PRKD1: variants seen among roughly 807,000 people sequenced by gnomAD.
PRKD1 encodes serine/threonine-protein kinase D1.
In PRKD1, 63 loss-of-function variants were observed where a neutral mutation model predicts 95.9. The ratio of observed to expected loss-of-function variants is 0.66; its 90% CI spans 0.54 to 0.81. The LOEUF is 0.81. Ranked by LOEUF, PRKD1 falls within the 30% of genes least tolerant of loss-of-function variation. The probability of loss-of-function intolerance (pLI) is 0.00; values close to 1 mark genes in which losing one functional copy is unlikely to be tolerated. For synonymous variants in PRKD1, 425 were observed against 423.1 expected, an observed-to-expected ratio of 1.00 and a Z score of -0.05; for missense variants, 1,048 against 1,165.3, an observed-to-expected ratio of 0.90 and a Z score of 1.47.
At chr14:29,754,609 T>A (rs1050269851) in intron 1 of PRKD1, among the ~76,000 whole-genome samples, 2 of 152,118 alleles carry the variant, frequency 1.3e-5, no homozygotes, top group African/African-American at 4.8e-5. Context: ...ATGGTTTAAC[T>A]CTTTATCATA....
Position 29,916,117 on chromosome 14 carries a change from A to T in PRKD1, c.264+11132T>A, listed in dbSNP as rs1894879473. ...ACCAGTTCAAGGTGCTTTGACACTC[A>T]CAGAATTTTCCAGAAGAGGCCCTGG... On this transcript the variant is annotated intron_variant, in intron 1 of 17. Coordinates refer to ENST00000331968, the MANE Select transcript of PRKD1 (RefSeq NM_002742.3). 2.0e-5 allele frequency among the ~76,000 whole-genome samples: 3 copies of T among 152,188 alleles called. No homozygotes were observed. In the South Asian group the frequency reaches 6.2e-4, roughly 31 times the overall value.
chr14:29,646,244 G>A (rs1211951334), intron 4 of PRKD1, among the ~76,000 whole-genome samples: 1 of 152,038 alleles, frequency 6.6e-6, no homozygotes, highest in Non-Finnish European at 1.5e-5. Flanking sequence ...TTTTGTTTGG[G>A]TGTGGGATGG....
chr14:29,868,749 T>C (rs1892998836), intron 1 of PRKD1, among the ~76,000 whole-genome samples: 1 of 152,202 alleles, frequency 6.6e-6, no homozygotes, highest in Admixed American at 6.5e-5. Context: ...AGCATATAAA[T>C]TCACATTCTT....
At chr14:29,903,576 C>T (rs1566663590) in intron 1 of PRKD1, among the ~76,000 whole-genome samples, 1 of 152,036 alleles carries the variant, frequency 6.6e-6, no homozygotes, top group African/African-American at 2.4e-5. Context: ...ACATGATATC[C>T]CCTGACAGGG....
At chr14:29,700,087 CT>C (rs1356607118) in intron 2 of PRKD1, among the ~76,000 whole-genome samples, 1 of 122,152 alleles carries the variant, frequency 8.2e-6, no homozygotes, top group African/African-American at 3.5e-5. Flanking sequence ...TAGCTTATCC[CT>C]TCTTTTTTTT....
chr14:29,769,656 T>C (rs1344702266), intron 1 of PRKD1, among the ~76,000 whole-genome samples: 1 of 152,172 alleles, frequency 6.6e-6, no homozygotes, highest in African/African-American at 2.4e-5. Flanking sequence ...AGCAGTTAAC[T>C]ATTTTGACAC....
intron 1 of PRKD1, among the ~76,000 whole-genome samples, chr14:29,837,346 G>T (rs1406159130): frequency 6.6e-6 from 1 of 151,962 alleles, no homozygotes; most frequent in Non-Finnish European, 1.5e-5. Flanking sequence ...AATTTAACTT[G>T]GTTCATAATA....
At chr14:29,862,476 G>A (rs529829640) in intron 1 of PRKD1, among the ~76,000 whole-genome samples, 1 of 152,236 alleles carries the variant, frequency 6.6e-6, no homozygotes, top group African/African-American at 2.4e-5. Context: ...CATAGTGATT[G>A]TAATAATTTA....
chr14:29,708,561 A>T (rs1859884051), intron 2 of PRKD1, among the ~76,000 whole-genome samples: 1 of 152,172 alleles, frequency 6.6e-6, no homozygotes, highest in African/African-American at 2.4e-5. Flanking sequence ...ATATTTATTT[A>T]AGAAAAAAAA....
chr14:29,679,437 T>A (rs1883408636), intron 2 of PRKD1, among the ~76,000 whole-genome samples: 1 of 152,204 alleles, frequency 6.6e-6, no homozygotes, highest in African/African-American at 2.4e-5. Flanking sequence ...CTGGATTATT[T>A]TGACACTCAG....
intron 1 of PRKD1, among the ~76,000 whole-genome samples, chr14:29,781,048 CA>C (rs1184974020): frequency 6.7e-6 from 1 of 148,400 alleles, no homozygotes; most frequent in Non-Finnish European, 1.5e-5. Flanking sequence ...GACAGAAAAC[CA>C]AACACCTCAT....
At chr14:29,845,616 T>C (rs965828699) in intron 1 of PRKD1, among the ~76,000 whole-genome samples, 1 of 152,208 alleles carries the variant, frequency 6.6e-6, no homozygotes, top group Non-Finnish European at 1.5e-5. Flanking sequence ...TTTTGCATGC[T>C]GGCATATTTT....
At chr14:29,609,706 A>ATTTT (rs1566483795) in intron 13 of PRKD1, among the ~76,000 whole-genome samples, 1 of 37,166 alleles carries the variant, frequency 2.7e-5, no homozygotes, top group African/African-American at 7.8e-5. Context: ...ACGCCCAGCT[A>ATTTT]TTTCTTTATT....
At chr14:29,660,761 C>T (rs868056324) in intron 4 of PRKD1, among the ~76,000 whole-genome samples, 45 of 152,136 alleles carry the variant, frequency 3.0e-4, no homozygotes, top group African/African-American at 9.9e-4. Context: ...AAATAATAGA[C>T]TCATTTAATA....
intron 1 of PRKD1, among the ~76,000 whole-genome samples, chr14:29,770,418 G>T (rs1043522441): frequency 6.6e-6 from 1 of 152,212 alleles, no homozygotes; most frequent in Non-Finnish European, 1.5e-5. Flanking sequence ...CTCAGAAGAA[G>T]AGAGCTGCAG....
intron 4 of PRKD1, among the ~76,000 whole-genome samples, chr14:29,650,061 C>T (rs1881391646): frequency 6.6e-6 from 1 of 152,242 alleles, no homozygotes; most frequent in African/African-American, 2.4e-5. Flanking sequence ...ACTCTCGCCA[C>T]TTCCAGTTTC....
chr14:29,769,245 T>A lies in PRKD1; in HGVS notation c.265-43571A>T, dbSNP rs557290277. On this transcript the variant is annotated intron_variant, in intron 1 of 17. Transcript: ENST00000331968. ...AGTAACTCCTCCATATGTAACACACTCTCTCTCTCTCTTTTCTTTTTTAAA... is the reference window on the plus strand; with the variant it reads ...AGTAACTCCTCCATATGTAACACACACTCTCTCTCTCTTTTCTTTTTTAAA... 1.3e-3 allele frequency among the ~76,000 whole-genome samples: 202 copies of A among 151,668 alleles called. 1 individual carries two copies. Among genetic ancestry groups the A allele is most frequent in the African/African-American group, 4.5e-3 (187 of 41,242 alleles).
In PRKD1 at chr14:29,634,368, T is replaced by C. The variant is rs369668082; in HGVS notation, c.1314+50A>G. On this transcript the variant is annotated intron_variant, in intron 8 of 17. Coordinates refer to ENST00000331968, the MANE Select transcript of PRKD1 (RefSeq NM_002742.3). ...GTCCTCACGGGACATTAGCAACTCC[T>C]CTAATTAAAGCTAGCAAGGCAAGAG... 5.6e-6 allele frequency: 9 copies of C among 1,612,840 alleles called. No individual in the cohort carries two copies. In the African/African-American group the frequency reaches 1.2e-4, roughly 22 times the overall value.
intron 1 of PRKD1, among the ~76,000 whole-genome samples, chr14:29,889,136 G>A (rs536073481): frequency 1.3e-5 from 2 of 152,240 alleles, no homozygotes; most frequent in Admixed American, 1.3e-4. Flanking sequence ...TATCTGATAG[G>A]TATTTGGATA....
Sources: allele counts gnomAD v4.1 joint callset (sites outside exome capture counted in the v4.1 genomes callset), GRCh38; gene constraint gnomAD v4.1.1; transcripts MANE v1.5; gene names NCBI Gene and HGNC (gene_info 2026-07-23, HGNC 2026-07-21).